Variants in ZNF277 observed in about 807,000 individuals in gnomAD.
The protein encoded by ZNF277 is nuclear receptor-interacting factor 4.
Under a neutral mutation model 60.7 loss-of-function variants are expected in ZNF277, and 55 were observed. That is an observed-to-expected ratio of 0.91 (90% CI 0.73 to 1.13). ZNF277 has a LOEUF of 1.13. Among genes scored for constraint, ZNF277 ranks in the 50% most tolerant of loss-of-function variants. The pLI is 0.00. For missense variants in ZNF277, 510 were observed against 523.0 expected, an observed-to-expected ratio of 0.98 and a Z score of 0.24; for synonymous variants, 178 against 179.3, an observed-to-expected ratio of 0.99 and a Z score of 0.06.
chr7:112,320,929 T>TC (rs1203060137), intron 5 of ZNF277, among the ~76,000 whole-genome samples: 2 of 140,680 alleles, frequency 1.4e-5, no homozygotes, highest in Non-Finnish European at 3.1e-5. Context: ...TTTTTTTTTT[T>TC]TTTTTTTTTT....
intron 5 of ZNF277, among the ~76,000 whole-genome samples, chr7:112,321,307 C>G (rs1792977119): frequency 6.6e-6 from 1 of 151,998 alleles, no homozygotes; most frequent in Admixed American, 6.6e-5. Flanking sequence ...TGAAAACAAT[C>G]TGTTTCAGGT....
intron 1 of ZNF277, among the ~76,000 whole-genome samples, chr7:112,236,887 A>C (rs1790808001): frequency 6.6e-6 from 1 of 152,182 alleles, no homozygotes; most frequent in Non-Finnish European, 1.5e-5. Context: ...TGGACCTAGG[A>C]GACATTTACA....
At chr7:112,237,817 TA>T (rs1790840219) in intron 1 of ZNF277, among the ~76,000 whole-genome samples, 1 of 152,108 alleles carries the variant, frequency 6.6e-6, no homozygotes, top group Non-Finnish European at 1.5e-5. Context: ...CTCCCTAACG[TA>T]TTCTGCAAAG....
rs553373296 is a variant in ZNF277 at position 112,229,726 on chromosome 7, G to A, written c.91+22919G>A. ...CAAGACAAGTTCCTGTCTTGAAGGA[G>A]CCAATGTCTAGTAGAGGAAAGTAAC... On this transcript the variant is annotated intron_variant, in intron 1 of 11. Coordinates refer to ENST00000361822, the MANE Select transcript of ZNF277 (RefSeq NM_021994.3). 2.0e-5 allele frequency among the ~76,000 whole-genome samples: 3 copies of A among 152,360 alleles called. No homozygotes were observed. The East Asian group carries it at 5.8e-4, about 29-fold the overall frequency.
intron 1 of ZNF277, among the ~76,000 whole-genome samples, chr7:112,260,281 C>T (rs1791414117): frequency 6.6e-6 from 1 of 152,156 alleles, no homozygotes; most frequent in South Asian, 2.1e-4. Context: ...ACTGCTTCTA[C>T]AGCACCAAAA....
chr7:112,223,116 A>G (rs772504214), intron 1 of ZNF277, among the ~76,000 whole-genome samples: 22 of 152,090 alleles, frequency 1.4e-4, no homozygotes, highest in Non-Finnish European at 2.8e-4. Context: ...TCCCCTTTAT[A>G]TGTATATGTT....
chr7:112,240,495 A>G (rs966836551), intron 1 of ZNF277, among the ~76,000 whole-genome samples: 7 of 152,184 alleles, frequency 4.6e-5, no homozygotes, highest in Non-Finnish European at 8.8e-5. Flanking sequence ...TGTCACCATT[A>G]CACATTGCAT....
chr7:112,221,126 C>T lies in ZNF277; in HGVS notation c.91+14319C>T, dbSNP rs534507609. 3.3e-5 allele frequency among the ~76,000 whole-genome samples: 5 copies of T among 152,156 alleles called. No individual in the cohort carries two copies. In the East Asian group the frequency reaches 5.8e-4, roughly 18 times the overall value. On this transcript the variant is annotated intron_variant, in intron 1 of 11. Transcript: ENST00000361822. ...GGTGTCTGCTGGGCTCCTGATCCAGCGAGGTGCCCATTGCCGCTCCCGATT... is the reference window on the plus strand; with the variant it reads ...GGTGTCTGCTGGGCTCCTGATCCAGTGAGGTGCCCATTGCCGCTCCCGATT...
intron 1 of ZNF277, among the ~76,000 whole-genome samples, chr7:112,269,715 T>C (rs1013971120): frequency 6.6e-6 from 1 of 152,122 alleles, no homozygotes; most frequent in Non-Finnish European, 1.5e-5. Flanking sequence ...CTGTAAGCCA[T>C]GATATACTGT....
At chr7:112,214,847 GA>G (rs369912381) in intron 1 of ZNF277, among the ~76,000 whole-genome samples, 195 of 152,206 alleles carry the variant, frequency 1.3e-3, no homozygotes, top group African/African-American at 4.4e-3. Flanking sequence ...TATGTAGAAG[GA>G]AAAACTGGAA....
At chr7:112,338,959 G>A (rs949263691) in intron 9 of ZNF277, among the ~76,000 whole-genome samples, 1 of 152,150 alleles carries the variant, frequency 6.6e-6, no homozygotes, top group African/African-American at 2.4e-5. Flanking sequence ...GAGATTGTAG[G>A]TTAAAACATT....
intron 1 of ZNF277, among the ~76,000 whole-genome samples, chr7:112,219,366 C>G (rs761404361): frequency 1.1e-4 from 16 of 152,058 alleles, no homozygotes; most frequent in Admixed American, 7.9e-4. Context: ...TAGGTTGAAG[C>G]CTTTAATCTA....
chr7:112,328,231 A>G (rs1793143229), intron 6 of ZNF277: 1 of 156,528 alleles, frequency 6.4e-6, no homozygotes. Flanking sequence ...TAACTTGTCT[A>G]CATATTCAAT....
chr7:112,241,170 T>G (rs1490606226), intron 1 of ZNF277, among the ~76,000 whole-genome samples: 1 of 151,738 alleles, frequency 6.6e-6, no homozygotes, highest in Admixed American at 6.6e-5. Context: ...AAAAAAAATC[T>G]AATAATCTCA....
intron 1 of ZNF277, among the ~76,000 whole-genome samples, chr7:112,241,415 A>G (rs570414521): frequency 1.3e-5 from 2 of 152,202 alleles, no homozygotes; most frequent in Non-Finnish European, 2.9e-5. Context: ...GTGGGAACAT[A>G]AATTAGTGCA....
intron 1 of ZNF277, among the ~76,000 whole-genome samples, chr7:112,261,319 A>G (rs143522321): frequency 1.3e-5 from 2 of 152,144 alleles, no homozygotes; most frequent in African/African-American, 2.4e-5. Flanking sequence ...TCTAAAGTCC[A>G]TTTTACCTAA....
chr7:112,291,694 T>G (rs572550537), intron 2 of ZNF277, among the ~76,000 whole-genome samples: 1 of 152,272 alleles, frequency 6.6e-6, no homozygotes, highest in African/African-American at 2.4e-5. Flanking sequence ...TGATTACAAT[T>G]TATCTGAATG....
At chr7:112,295,296 C>A (rs1314390481) in intron 2 of ZNF277, among the ~76,000 whole-genome samples, 1 of 152,150 alleles carries the variant, frequency 6.6e-6, no homozygotes, top group Non-Finnish European at 1.5e-5. Flanking sequence ...TAACTCTGCT[C>A]ATTAGATACA....
chr7:112,294,212 A>C (rs1396966904), intron 2 of ZNF277, among the ~76,000 whole-genome samples: 2 of 152,154 alleles, frequency 1.3e-5, no homozygotes, highest in Admixed American at 1.3e-4. Context: ...GTGGTGGGGA[A>C]AGCAACTAGT....
Sources: gnomAD v4.1 joint callset for allele counts (sites outside exome capture counted in the v4.1 genomes callset) on GRCh38, gnomAD v4.1.1 for gene constraint, MANE v1.5 for transcripts, NCBI Gene and HGNC (gene_info 2026-07-23, HGNC 2026-07-21) for gene names.